Variants in BCAS3 observed in about 807,000 individuals in gnomAD.
BCAS3 encodes BCAS4/BCAS3 fusion.
In BCAS3, 53 loss-of-function variants were observed where a neutral mutation model predicts 116.1. The observed-to-expected ratio is 0.46, with a 90% CI of 0.37 to 0.57. BCAS3 has a LOEUF of 0.57. Ranked by LOEUF, BCAS3 falls within the 20% of genes least tolerant of loss-of-function variation. The pLI, the probability that BCAS3 is intolerant of heterozygous loss-of-function variation, is 0.00. For synonymous variants in BCAS3, 391 were observed against 408.2 expected, an observed-to-expected ratio of 0.96 and a Z score of 0.51; for missense variants, 917 against 1,165.4, an observed-to-expected ratio of 0.79 and a Z score of 3.10.
chr17:60,915,474 C>G (rs968833147), intron 12 of BCAS3, among the ~76,000 whole-genome samples: 4 of 151,934 alleles, frequency 2.6e-5, no homozygotes, highest in African/African-American at 9.7e-5. Context: ...ACGCATACTT[C>G]TTTGTATTTC....
rs115096741 is a variant in BCAS3, at chr17:61,025,181, G to A, written c.1637+9280G>A. ...AGATTGTAGTCTTCAAGTAGTTTTA[G>A]TTATTTAAATCTGTGTTTGTCAAAC... On this transcript the variant is annotated intron_variant, in intron 16 of 23. Coordinates refer to ENST00000407086, the MANE Select transcript of BCAS3 (RefSeq NM_017679.5). 2.7e-3 allele frequency among the ~76,000 whole-genome samples: 415 copies of A among 152,148 alleles called. 4 individuals are homozygous for A. The highest frequency in any genetic ancestry group is 9.5e-3 in the African/African-American group (394 of 41,528).
intron 7 of BCAS3, among the ~76,000 whole-genome samples, chr17:60,828,895 T>A (rs1253526493): frequency 6.6e-6 from 1 of 152,172 alleles, no homozygotes; most frequent in Non-Finnish European, 1.5e-5. Context: ...TTTGGCAGTG[T>A]CTGGGGGACA....
intron 22 of BCAS3, among the ~76,000 whole-genome samples, chr17:61,107,205 G>T (rs562506507): frequency 6.7e-6 from 1 of 149,142 alleles, no homozygotes; most frequent in African/African-American, 2.5e-5. Context: ...TTCTGCCTCA[G>T]CCTCCTGAGT....
In BCAS3 at chr17:61,221,233, A is replaced by G. The variant is rs566043496; in HGVS notation, c.2425+136669A>G. On this transcript the variant is annotated intron_variant, in intron 22 of 23. Coordinates refer to ENST00000407086, the MANE Select transcript of BCAS3 (RefSeq NM_017679.5). ...ATGGAAACAGTAGTTTGCCTGGCTC[A>G]TTCTAAAGAAGATCTCAGAATACTT... 7.2e-5 allele frequency among the ~76,000 whole-genome samples: 11 copies of G among 152,338 alleles called. No homozygotes were observed. In the South Asian group the frequency reaches 1.4e-3, roughly 20 times the overall value.
At position 61,045,865 on chromosome 17, in the gene BCAS3, A is replaced by ATATATAAATATATATTATATATAT. The variant is rs757031336; in HGVS notation, c.2029+4973_2029+4974insTATATAAATATATATTATATATAT. Reference sequence around the variant, plus strand: ...TCTCTCTCTCTATATATATATATATAAATATATATAAATATATATTATATA... The same window carrying ATATATAAATATATATTATATATAT: ...TCTCTCTCTCTATATATATATATATATATATAAATATATATTATATATATAATATATATAAATATATATTATATA... On this transcript the variant is annotated intron_variant, in intron 19 of 23. Coordinates refer to ENST00000407086, the MANE Select transcript of BCAS3 (RefSeq NM_017679.5). Among the ~76,000 whole-genome samples the ATATATAAATATATATTATATATAT allele has an allele frequency of 1.5e-3, 6 of 3,964 alleles. 1 individual carries two copies. Among genetic ancestry groups the ATATATAAATATATATTATATATAT allele is most frequent in the South Asian group, 0.014 (1 of 72 alleles). The allele number at this position is 3,964 out of a possible 152,430, so 2.6% of individuals were successfully genotyped here. A position where few individuals can be genotyped will look rare whatever the true frequency, so the allele number is the denominator to read the frequency against.
At chr17:60,787,505 A>T (rs902956327) in intron 6 of BCAS3, among the ~76,000 whole-genome samples, 34 of 152,190 alleles carry the variant, frequency 2.2e-4, no homozygotes, top group Admixed American at 2.1e-3. Flanking sequence ...TAAAGCTGTT[A>T]TGAACATTCT....
chr17:60,962,474 G>C lies in BCAS3; in HGVS notation c.1221+15122G>C, dbSNP rs189647834. 2.6e-5 allele frequency among the ~76,000 whole-genome samples: 4 copies of C among 151,978 alleles called. No homozygotes were observed. The highest frequency in any genetic ancestry group is 9.7e-5 in the African/African-American group (4 of 41,390). On this transcript the variant is annotated intron_variant, in intron 14 of 23. Transcript: ENST00000407086. This position sits in a 1 kb window ranked among gnomAD's most constrained non-coding sequence, Gnocchi z 4.4. ...TTTTTCATATACCTATTGGCCATTT[G>C]CATGTCTTCTTTTGAGAAATGTGTG...
At chr17:60,835,852 C>T (rs1485115316) in intron 7 of BCAS3, among the ~76,000 whole-genome samples, 1 of 151,966 alleles carries the variant, frequency 6.6e-6, no homozygotes. Flanking sequence ...ATTAGAAAAG[C>T]AAGATTCACA....
chr17:60,777,925 T>G (rs960510912), intron 6 of BCAS3, among the ~76,000 whole-genome samples: 3 of 152,218 alleles, frequency 2.0e-5, no homozygotes, highest in African/African-American at 7.2e-5. Flanking sequence ...TTTTATCTCA[T>G]AGTTTTCTTT....
chr17:60,977,011 C>T (rs1003400198), intron 14 of BCAS3, among the ~76,000 whole-genome samples: 9 of 151,758 alleles, frequency 5.9e-5, no homozygotes, highest in East Asian at 1.9e-4. Context: ...CCAGACGGGG[C>T]GGCCGGGCAG....
chr17:60,844,735 A>T (rs2052340199), intron 7 of BCAS3, among the ~76,000 whole-genome samples: 1 of 152,182 alleles, frequency 6.6e-6, no homozygotes, highest in African/African-American at 2.4e-5. Context: ...AGATCTTTTA[A>T]TTGACCTGAT....
chr17:60,683,436 AATAAC>A (rs923762319), intron 2 of BCAS3, among the ~76,000 whole-genome samples: 9 of 148,562 alleles, frequency 6.1e-5, no homozygotes, highest in Non-Finnish European at 8.9e-5. Context: ...ATTTACATTT[AATAAC>A]ATATATAAAG....
At chr17:60,813,734 C>CA (rs1384577035) in intron 7 of BCAS3, among the ~76,000 whole-genome samples, 1 of 152,090 alleles carries the variant, frequency 6.6e-6, no homozygotes, top group Non-Finnish European at 1.5e-5. Flanking sequence ...GGCCAGTGTC[C>CA]AGAATGGTAT....
At chr17:60,913,342 G>A (rs1480687663) in intron 12 of BCAS3, among the ~76,000 whole-genome samples, 1 of 152,028 alleles carries the variant, frequency 6.6e-6, no homozygotes, top group Non-Finnish European at 1.5e-5. Flanking sequence ...AAAAAATTCT[G>A]TTAGAGGACA....
intron 22 of BCAS3, among the ~76,000 whole-genome samples, chr17:61,301,498 G>T (rs545755360): frequency 3.3e-5 from 5 of 152,040 alleles, no homozygotes; most frequent in Admixed American, 6.6e-5. Context: ...TTAGCTGGGC[G>T]TGGTGGCAGG....
chr17:61,266,244 T>C (rs1256336026), intron 22 of BCAS3, among the ~76,000 whole-genome samples: 1 of 152,182 alleles, frequency 6.6e-6, no homozygotes, highest in Non-Finnish European at 1.5e-5. Context: ...CTTGGGAGTT[T>C]AGAGTAAAAC....
At chr17:60,789,103 A>AT (rs1226493739) in intron 6 of BCAS3, among the ~76,000 whole-genome samples, 1 of 152,160 alleles carries the variant, frequency 6.6e-6, no homozygotes, top group Non-Finnish European at 1.5e-5. Context: ...TCTAGAAAAT[A>AT]TTTTTCTCAG....
chr17:61,250,307 G>A (rs1472876921), intron 22 of BCAS3, among the ~76,000 whole-genome samples: 1 of 152,156 alleles, frequency 6.6e-6, no homozygotes, highest in Non-Finnish European at 1.5e-5. Flanking sequence ...AACATGAGAA[G>A]ATTTATAAAC....
chr17:61,015,946 G>A (rs747107458), intron 16 of BCAS3, 45 bp downstream of exon 16: 21 of 1,542,470 alleles, frequency 1.4e-5, no homozygotes, highest in Non-Finnish European at 1.9e-5. Flanking sequence ...GTTTTATAGG[G>A]TTGAATGAAT....
Sources: gnomAD v4.1 joint callset for allele counts (sites outside exome capture counted in the v4.1 genomes callset) on GRCh38, gnomAD v4.1.1 for gene constraint, Gnocchi (gnomAD v3.1) non-coding constraint, MANE v1.5 for transcripts, NCBI Gene and HGNC (gene_info 2026-07-23, HGNC 2026-07-21) for gene names.